Variants in KDM6A observed in about 807,000 individuals in gnomAD.
The protein encoded by KDM6A is lysine demethylase 6A, also known as lysine-specific demethylase 6A.
KDM6A carries 11 observed loss-of-function variants against 117.6 expected under a neutral mutation model. The observed-to-expected ratio is 0.09, with a 90% CI of 0.06 to 0.15. KDM6A has a LOEUF of 0.15. KDM6A is among the 10% of genes least tolerant of loss of function. The pLI is 1.00. For synonymous variants in KDM6A, 384 were observed against 396.1 expected, an observed-to-expected ratio of 0.97 and a Z score of 0.36; for missense variants, 799 against 1,077.3, an observed-to-expected ratio of 0.74 and a Z score of 3.62.
chrX:44,884,696 C>T (rs1039228449), intron 2 of KDM6A, among the ~76,000 whole-genome samples: 1 of 111,375 alleles, frequency 9.0e-6, no homozygotes, highest in East Asian at 2.8e-4. Context: ...GAGATGGAGG[C>T]AGACTTAAGA....
In KDM6A at chrX:44,873,963, C is replaced by T. The variant is rs377172165; in HGVS notation, c.201C>T (p.Ala67=). 55 of 1,209,925 alleles carry T rather than the reference C, an allele frequency of 4.5e-5. No individual in the cohort carries two copies. Among genetic ancestry groups the T allele is most frequent in the Non-Finnish European group, 5.8e-5 (52 of 894,656 alleles). The change falls in exon 2 of 30, where the codon GCC becomes GCT. Residue 67 remains alanine, a synonymous_variant. Coordinates refer to ENST00000611820, the MANE Select transcript of KDM6A (RefSeq NM_001291415.2). The stretch of plus-strand genomic sequence containing the variant: ...TCGTGAGATTTCATGAAGATGGCGC[C>T]AGGACGAAGGCCCTACTGGGCAAGG... ...FGFVRFHEDG[A]RTKALLGKAV... is the part of the protein sequence containing the mutation.
intron 6 of KDM6A, among the ~76,000 whole-genome samples, chrX:45,032,314 G>A (rs1240869517): frequency 2.7e-5 from 3 of 111,278 alleles, no homozygotes; most frequent in Non-Finnish European, 5.7e-5. Flanking sequence ...CCTTTCTACT[G>A]GTGTATATGT....
chrX:44,982,729 G>A (rs1472884766), intron 4 of KDM6A, among the ~76,000 whole-genome samples: 2 of 111,550 alleles, frequency 1.8e-5, no homozygotes, highest in East Asian at 2.8e-4. Context: ...TGTGCTGGCC[G>A]TATTTTCCTA....
chrX:45,007,181 G>T (rs1569516669), intron 4 of KDM6A, among the ~76,000 whole-genome samples: 1 of 111,426 alleles, frequency 9.0e-6, no homozygotes, highest in South Asian at 3.7e-4. Flanking sequence ...TGCTTATTAC[G>T]AGTATGTTTT....
intron 3 of KDM6A, among the ~76,000 whole-genome samples, chrX:44,972,001 C>T (rs1318414055): frequency 9.2e-6 from 1 of 109,261 alleles, no homozygotes; most frequent in Non-Finnish European, 1.9e-5. Flanking sequence ...GTGGGCAGTA[C>T]GCAGGGGTTT....
At chrX:45,107,154 G>T (rs756326848) in intron 27 of KDM6A, 3 of 302,246 alleles carry the variant, frequency 9.9e-6, no homozygotes, top group Non-Finnish European at 1.8e-5. Flanking sequence ...CAGTTTTTAT[G>T]TACTAAGACC....
chrX:45,043,561 G>A (rs958044781), intron 8 of KDM6A, among the ~76,000 whole-genome samples: 3 of 111,243 alleles, frequency 2.7e-5, no homozygotes, highest in African/African-American at 9.8e-5. Context: ...TGGATCACTT[G>A]AAGCCCAGAG....
At chrX:45,102,444 C>T (rs1316060844) in intron 27 of KDM6A, among the ~76,000 whole-genome samples, 2 of 111,990 alleles carry the variant, frequency 1.8e-5, no homozygotes, top group Non-Finnish European at 3.8e-5. Flanking sequence ...TAAGTATTAA[C>T]TCCCTTTTCT....
At chrX:45,000,847 C>T (rs1225146635) in intron 4 of KDM6A, among the ~76,000 whole-genome samples, 1 of 112,674 alleles carries the variant, frequency 8.9e-6, no homozygotes, top group Non-Finnish European at 1.9e-5. Context: ...AAAGAGCTAC[C>T]ATGCAGCCCA....
At chrX:44,983,720 A>G (rs1186045508) in intron 4 of KDM6A, among the ~76,000 whole-genome samples, 4 of 110,507 alleles carry the variant, frequency 3.6e-5, no homozygotes, top group African/African-American at 1.3e-4. Context: ...AGCATCATCC[A>G]TGTTCCTACA....
Position 45,042,243 on chromosome X carries a change from AAGGAGACCGTGGAGGGAGAGGGGAGAG to A in KDM6A, c.654+4555_654+4581del, listed in dbSNP as rs1479772066. ...GCTCGGCATCAGAGGGAGACCGTGG[AAGGAGACCGTGGAGGGAGAGGGGAGAG>A]GGGAGAGGGGAGAGGGGAGAGGGGA... On this transcript the variant is annotated intron_variant, in intron 8 of 29. Transcript: ENST00000611820. Among the ~76,000 whole-genome samples, 594 of 61,867 alleles carry A rather than the reference AAGGAGACCGTGGAGGGAGAGGGGAGAG, an allele frequency of 9.6e-3. 6 individuals carry two copies. The highest frequency in any genetic ancestry group is 0.012 in the Non-Finnish European group (484 of 39,879). 53.7% of individuals were successfully genotyped at this position (61,867 alleles called of 115,157 possible). A position where few individuals can be genotyped will look rare whatever the true frequency, so the allele number is the denominator to read the frequency against.
chrX:45,056,210 A>G (rs6611060), intron 10 of KDM6A, among the ~76,000 whole-genome samples: 19,106 of 111,110 alleles, frequency 0.17, 1,677 homozygotes, highest in Admixed American at 0.37. Context: ...ATAAAATTCT[A>G]AATCTTTTAG....
chrX:44,991,806 C>T (rs988912326), intron 4 of KDM6A, among the ~76,000 whole-genome samples: 1 of 110,937 alleles, frequency 9.0e-6, no homozygotes, highest in African/African-American at 3.3e-5. Context: ...CCTGCCTCAG[C>T]CTCCTGAGTA....
At chrX:44,933,728 C>T (rs2036807850) in intron 2 of KDM6A, among the ~76,000 whole-genome samples, 1 of 110,475 alleles carries the variant, frequency 9.1e-6, no homozygotes, top group African/African-American at 3.3e-5. Flanking sequence ...TAGGTGCCCA[C>T]CACCATGCCT....
chrX:44,914,084 C>G (rs2035395362), intron 2 of KDM6A, among the ~76,000 whole-genome samples: 1 of 112,081 alleles, frequency 8.9e-6, no homozygotes, highest in African/African-American at 3.2e-5. Flanking sequence ...CCTGGCTGGA[C>G]AGCTTATTTA....
At chrX:45,097,147 G>T (rs1196403388) in intron 27 of KDM6A, among the ~76,000 whole-genome samples, 2 of 111,027 alleles carry the variant, frequency 1.8e-5, no homozygotes. Context: ...TTATAAGTGG[G>T]AGCTAAATTA....
chrX:44,961,234 A>AT (rs1339822494), intron 2 of KDM6A, 50 bp from the exon 3 acceptor site: 1 of 926,546 alleles, frequency 1.1e-6, no homozygotes, highest in Non-Finnish European at 1.5e-6. Context: ...GAGGAAATGT[A>AT]TTTTAGGGCT....
chrX:45,107,501 A>G lies in KDM6A; in HGVS notation c.4126A>G (p.Lys1376Glu). The change falls in exon 28 of 30, where the codon AAA becomes GAA. Residue 1376 changes from lysine (K) to glutamate (E), a missense_variant. By Grantham distance (56) the Lys-to-Glu change is moderately conservative (BLOSUM62 1). Transcript: ENST00000611820. ...AGAGATTATATGGCATGGGCGGACA[A>G]AAGAAGAACCAGCTCATTACTGTAG... ...GKEIIWHGRT[K>E]EEPAHYCSIC... 5.0e-6 allele frequency: 6 copies of G among 1,211,094 alleles called. No individual in the cohort carries two copies. The highest frequency in any genetic ancestry group is 6.7e-6 in the Non-Finnish European group (6 of 894,724).
chrX:45,073,424 A>G (rs962869095), intron 18 of KDM6A, among the ~76,000 whole-genome samples: 6 of 111,810 alleles, frequency 5.4e-5, no homozygotes, highest in Non-Finnish European at 1.1e-4. Flanking sequence ...ATGGTATTCT[A>G]GCTCTTGATC....
Sources: gnomAD v4.1 joint callset for allele counts (sites outside exome capture counted in the v4.1 genomes callset) on GRCh38, gnomAD v4.1.1 for gene constraint, MANE v1.5 for transcripts, NCBI Gene and HGNC (gene_info 2026-07-23, HGNC 2026-07-21) for gene names.